The following PCSK2 variants were observed in gnomAD, a reference collection of about 807,000 sequenced individuals.
PCSK2 encodes proprotein convertase subtilisin/kexin type 2, also known as neuroendocrine convertase 2.
A neutral mutation model predicts 69.7 loss-of-function variants in PCSK2; 14 were observed. The observed-to-expected ratio is 0.20, with a 90% CI of 0.13 to 0.31. PCSK2 has a LOEUF of 0.31. Among genes scored for constraint, PCSK2 ranks in the 10% least tolerant of loss-of-function variants. The pLI is 1.00. For missense variants in PCSK2, 544 were observed against 842.5 expected (o/e 0.65, Z 4.39); for synonymous variants, 307 against 320.7 (o/e 0.96, Z 0.46).
At chr20:17,467,446 A>G (rs1254446583) in intron 11 of PCSK2, among the ~76,000 whole-genome samples, 6 of 152,268 alleles carry the variant, frequency 3.9e-5, no homozygotes, top group Non-Finnish European at 8.8e-5. Context: ...AATGGCCACA[A>G]TAATTTCAGA....
chr20:17,367,671 T>G (rs1473137267), intron 4 of PCSK2, among the ~76,000 whole-genome samples: 1 of 152,156 alleles, frequency 6.6e-6, no homozygotes, highest in Admixed American at 6.5e-5. Flanking sequence ...AGTGATGTCC[T>G]TATTTTTGTA....
chr20:17,352,048 C>T (rs140703394), intron 2 of PCSK2, among the ~76,000 whole-genome samples: 23 of 152,306 alleles, frequency 1.5e-4, no homozygotes, highest in South Asian at 4.1e-4. Context: ...CATTTCTACA[C>T]GCCAATAACG....
chr20:17,443,154 G>A (rs554885254), intron 8 of PCSK2, among the ~76,000 whole-genome samples: 53 of 152,298 alleles, frequency 3.5e-4, no homozygotes, highest in East Asian at 1.9e-3. Context: ...CAGAGTCCTC[G>A]AAGTGAACAT....
At chr20:17,256,158 T>G (rs1987167653) in intron 1 of PCSK2, among the ~76,000 whole-genome samples, 1 of 152,182 alleles carries the variant, frequency 6.6e-6, no homozygotes, top group African/African-American at 2.4e-5. Context: ...CTCTGATAAA[T>G]TTTTAAATTC....
intron 1 of PCSK2, among the ~76,000 whole-genome samples, chr20:17,240,587 T>C (rs1361373620): frequency 1.3e-5 from 2 of 152,138 alleles, no homozygotes; most frequent in Admixed American, 6.5e-5. Context: ...AGTGCATCAA[T>C]ATCATGTGCT....
At chr20:17,346,090 T>C (rs1198806284) in intron 2 of PCSK2, among the ~76,000 whole-genome samples, 2 of 152,230 alleles carry the variant, frequency 1.3e-5, no homozygotes, top group Non-Finnish European at 2.9e-5. Context: ...GAATGGGAAC[T>C]AGGCAATCCA....
chr20:17,348,795 T>C (rs186193781), intron 2 of PCSK2, among the ~76,000 whole-genome samples: 2 of 152,222 alleles, frequency 1.3e-5, no homozygotes, highest in South Asian at 2.1e-4. Context: ...ACCAGTTATA[T>C]TGGATGAGAC....
chr20:17,330,673 C>T (rs1990185443), intron 2 of PCSK2, among the ~76,000 whole-genome samples: 1 of 151,822 alleles, frequency 6.6e-6, no homozygotes, highest in South Asian at 2.1e-4. Context: ...TATTTTGCTG[C>T]CAAGAACAGA....
chr20:17,267,432 C>T (rs1256072986), intron 2 of PCSK2, among the ~76,000 whole-genome samples: 2 of 152,160 alleles, frequency 1.3e-5, no homozygotes, highest in African/African-American at 4.8e-5. Context: ...ATGCCCCAAC[C>T]TGTGGGAAAA....
At chr20:17,456,234 G>A (rs916939405) in intron 9 of PCSK2, 114 bp from the exon 10 acceptor site, 6 of 675,400 alleles carry the variant, frequency 8.9e-6, no homozygotes, top group South Asian at 1.8e-5. Context: ...GAGTGAGGCT[G>A]TCTCAATAAA....
chr20:17,248,772 C>T (rs116055400), intron 1 of PCSK2, among the ~76,000 whole-genome samples: 1,541 of 152,326 alleles, frequency 0.01, 30 homozygotes, highest in African/African-American at 0.034. Flanking sequence ...GGGGATGTCA[C>T]CCATCAACCT....
In PCSK2 at chr20:17,484,383, G is replaced by A. The variant is rs1041421902; in HGVS notation, c.*2313G>A. 2 of 152,124 alleles carry A rather than the reference G, an allele frequency of 1.3e-5. No homozygotes were observed. The highest frequency in any genetic ancestry group is 2.4e-5 in the African/African-American group (1 of 41,310). The allele number at this position is 152,124 out of a possible 1,614,324, so 9.4% of individuals were successfully genotyped here. A position where few individuals can be genotyped will look rare whatever the true frequency, so the allele number is the denominator to read the frequency against. ...CAGTATTAATACTAAAATATGTCTC[G>A]CTAGTGATGTTTTTATGATATCCCT... On this transcript the variant is annotated 3_prime_UTR_variant, in exon 12 of 12. Transcript: ENST00000262545.
chr20:17,357,083 T>C (rs1049623297), intron 2 of PCSK2, among the ~76,000 whole-genome samples: 1 of 150,788 alleles, frequency 6.6e-6, no homozygotes, highest in Non-Finnish European at 1.5e-5. Context: ...TGCATAATCC[T>C]TGAGTTTGTA....
chr20:17,429,774 T>C (rs1446350160), intron 7 of PCSK2, among the ~76,000 whole-genome samples: 1 of 152,006 alleles, frequency 6.6e-6, no homozygotes, highest in Non-Finnish European at 1.5e-5. Flanking sequence ...AAACTGGCCA[T>C]ACCCATACAG....
In PCSK2 at chr20:17,456,238, C is replaced by CAAGA. The variant is rs535644818; in HGVS notation, c.1102-108_1102-107insGAAA. On this transcript the variant is annotated intron_variant, in intron 9 of 11. Transcript: ENST00000262545. ...CCTGGGCAACAGAGTGAGGCTGTCT[C>CAAGA]AATAAATAAATGAATAAATAAAAGG... is the stretch of plus-strand genomic sequence containing the variant. 2.0e-3 allele frequency: 1,346 copies of CAAGA among 682,080 alleles called. 23 individuals carry two copies. The African/African-American group carries it at 0.022, about 11-fold the overall frequency. 42.3% of individuals were successfully genotyped at this position (682,080 alleles called of 1,614,324 possible).
chr20:17,415,381 A>C (rs1018899916), intron 6 of PCSK2, among the ~76,000 whole-genome samples: 1 of 152,236 alleles, frequency 6.6e-6, no homozygotes, highest in East Asian at 1.9e-4. Context: ...AAGCATTTCT[A>C]TACACCAATA....
chr20:17,369,240 G>A lies in PCSK2; in HGVS notation c.506G>A (p.Gly169Glu). The A allele has an allele frequency of 6.2e-7, 1 of 1,613,622 alleles. No homozygotes were observed. Residue 169 changes from glycine to glutamate, a missense_variant and splice_region_variant, in exon 5 of 12, where the codon GGG (glycine) becomes GAG (glutamate). Around this residue, in one of 3 missense-constraint regions of PCSK2, gnomAD observed 187 missense variants for 399.8 expected, o/e 0.47. Transcript: ENST00000262545. ...KGVTIGIMDD[G>E]IDYLHPDLAS... ...CTGTGTTATTGTTGTCTTTTCACAGGGATTGACTATCTCCACCCGGACCTG... is the reference window on the plus strand; with the variant it reads ...CTGTGTTATTGTTGTCTTTTCACAGAGATTGACTATCTCCACCCGGACCTG...
At chr20:17,365,667 G>A (rs148106679) in intron 4 of PCSK2, among the ~76,000 whole-genome samples, 5 of 152,304 alleles carry the variant, frequency 3.3e-5, no homozygotes, top group East Asian at 1.9e-4. Context: ...AACAAGTTAC[G>A]TGTTTCCAAA....
At chr20:17,257,364 G>A (rs879164411) in intron 1 of PCSK2, among the ~76,000 whole-genome samples, 3 of 152,168 alleles carry the variant, frequency 2.0e-5, no homozygotes, top group Admixed American at 2.0e-4. Context: ...AGATGGTGTG[G>A]CAATTCCTCA....
Sources: gnomAD v4.1 joint callset for allele counts (sites outside exome capture counted in the v4.1 genomes callset) on GRCh38, gnomAD v4.1.1 for gene constraint, gnomAD v4.1.1 regional missense constraint, MANE v1.5 for transcripts, NCBI Gene and HGNC (gene_info 2026-07-23, HGNC 2026-07-21) for gene names.